Variants in NRXN1 observed in about 807,000 individuals in gnomAD.
The protein encoded by NRXN1 is neurexin 1.
A neutral mutation model predicts 150.9 loss-of-function variants in NRXN1; 39 were observed. That is an observed-to-expected ratio of 0.26 (90% CI 0.20 to 0.34). The LOEUF (loss-of-function observed/expected upper bound fraction) is 0.34, where lower values mean the gene tolerates loss of function less well. Among genes scored for constraint, NRXN1 ranks in the 10% least tolerant of loss-of-function variants. The pLI is 1.00. For missense variants in NRXN1, 1,815 were observed against 1,949.9 expected (o/e 0.93, Z 1.30); for synonymous variants, 924 against 757.0 (o/e 1.22, Z -3.62).
At position 50,347,304 on chromosome 2, in the gene NRXN1, C is replaced by G. The variant is rs1490986782; in HGVS notation, c.3365-110334G>C. On this transcript the variant is annotated intron_variant, in intron 17 of 22. Transcript: ENST00000401669. The surrounding 1 kb of genome is among the most constrained non-coding windows in gnomAD (Gnocchi z 4.9). The stretch of plus-strand genomic sequence containing the variant: ...AAGAGTTTCGGGCGAGAGTGCGTGC[C>G]GGCGGGTGGGGGGCCGAGAAATTGT... The G allele has an allele frequency of 7.9e-7, 1 of 1,271,736 alleles. No individual in the cohort carries two copies. Among genetic ancestry groups the G allele is most frequent in the Middle Eastern group, 2.2e-4 (1 of 4,562 alleles). 78.8% of individuals were successfully genotyped at this position (1,271,736 alleles called of 1,614,324 possible). A position where few individuals can be genotyped will look rare whatever the true frequency, so the allele number is the denominator to read the frequency against.
intron 18 of NRXN1, among the ~76,000 whole-genome samples, chr2:50,177,608 G>A (rs2060429771): frequency 6.6e-6 from 1 of 151,922 alleles, no homozygotes; most frequent in South Asian, 2.1e-4. Flanking sequence ...AATTAATGTG[G>A]TTATTTAATC....
intron 5 of NRXN1, among the ~76,000 whole-genome samples, chr2:50,627,504 T>G (rs1454185068): frequency 6.6e-6 from 1 of 151,484 alleles, no homozygotes; most frequent in East Asian, 1.9e-4. Flanking sequence ...TGGTTATCTA[T>G]AAGAGAAAAA....
At chr2:50,580,831 C>T (rs556257938) in intron 8 of NRXN1, among the ~76,000 whole-genome samples, 39 of 152,090 alleles carry the variant, frequency 2.6e-4, no homozygotes, top group African/African-American at 9.2e-4. Context: ...GCTACTATAC[C>T]GTCTAGAACA....
intron 5 of NRXN1, among the ~76,000 whole-genome samples, chr2:50,763,491 T>C (rs1336371169): frequency 6.6e-6 from 1 of 151,948 alleles, no homozygotes; most frequent in Non-Finnish European, 1.5e-5. Context: ...GTTTCTCTTC[T>C]TCCCCCTCCT....
chr2:50,638,468 G>A (rs1683558475), intron 5 of NRXN1, among the ~76,000 whole-genome samples: 1 of 152,100 alleles, frequency 6.6e-6, no homozygotes, highest in Non-Finnish European at 1.5e-5. Flanking sequence ...AAAAAGCAGA[G>A]CACATTGTCA....
chr2:50,354,578 T>TATATAC (rs2078659723), intron 17 of NRXN1, among the ~76,000 whole-genome samples: 1 of 143,870 alleles, frequency 7.0e-6, no homozygotes, highest in Non-Finnish European at 1.5e-5. Context: ...TATATATATA[T>TATATAC]ATATATATAC....
chr2:50,782,674 G>A (rs1321617459), intron 5 of NRXN1, among the ~76,000 whole-genome samples: 2 of 152,166 alleles, frequency 1.3e-5, no homozygotes, highest in African/African-American at 4.8e-5. Flanking sequence ...ATGAAGCTCA[G>A]GGATAGAGTA....
At chr2:50,620,258 T>C (rs1404756806) in intron 7 of NRXN1, 75 bp from the exon 8 acceptor site, 9 of 1,454,568 alleles carry the variant, frequency 6.2e-6, no homozygotes, top group African/African-American at 2.9e-5. Flanking sequence ...ATGCCTGTTT[T>C]GTGTTTTGCT....
At chr2:50,068,333 A>AT (rs1232959364) in intron 19 of NRXN1, among the ~76,000 whole-genome samples, 1 of 152,086 alleles carries the variant, frequency 6.6e-6, no homozygotes, top group Non-Finnish European at 1.5e-5. Flanking sequence ...TAAAATAACC[A>AT]TTTTTTTCTT....
rs956892595 is a variant in NRXN1 at position 50,585,006 on chromosome 2, G to GT, written c.1321-31982dup. ...CTCAAACTTGAGTCGTGCACACAAA[G>GT]TTTTTTTTCATAAAAATAAAAGTTT... is the stretch of plus-strand genomic sequence containing the variant. On this transcript the variant is annotated intron_variant, in intron 8 of 22. Transcript: ENST00000401669. Among the ~76,000 whole-genome samples the GT allele has an allele frequency of 3.3e-5, 5 of 151,850 alleles. No individual in the cohort carries two copies. In the East Asian group the frequency reaches 7.7e-4, roughly 23 times the overall value.
intron 18 of NRXN1, among the ~76,000 whole-genome samples, chr2:50,232,382 CTTTTCT>C (rs1159627392): frequency 6.1e-5 from 7 of 113,956 alleles, no homozygotes; most frequent in African/African-American, 1.4e-4. Context: ...TCTTTCTTTT[CTTTTCT>C]TTTTTTTTTT....
At chr2:50,441,338 T>A (rs1264123126) in intron 17 of NRXN1, among the ~76,000 whole-genome samples, 3 of 152,170 alleles carry the variant, frequency 2.0e-5, no homozygotes, top group African/African-American at 4.8e-5. Flanking sequence ...TTCCTCTTTT[T>A]AAAATTAATT....
chr2:50,374,154 G>A (rs1455688648), intron 17 of NRXN1, among the ~76,000 whole-genome samples: 2 of 151,460 alleles, frequency 1.3e-5, no homozygotes, highest in Non-Finnish European at 2.9e-5. Flanking sequence ...AAAAATAGCC[G>A]GCTGTAGTGG....
chr2:50,502,430 C>A (rs13030234), intron 13 of NRXN1, among the ~76,000 whole-genome samples: 4 of 146,756 alleles, frequency 2.7e-5, no homozygotes, highest in African/African-American at 7.3e-5. Context: ...CTTGCACCCA[C>A]AAAGGGAATA....
chr2:50,073,761 C>T (rs1696642612), intron 19 of NRXN1, among the ~76,000 whole-genome samples: 1 of 152,042 alleles, frequency 6.6e-6, no homozygotes, highest in African/African-American at 2.4e-5. Flanking sequence ...AAAGCATAGG[C>T]CTGTTAATCT....
intron 2 of NRXN1, among the ~76,000 whole-genome samples, chr2:50,947,955 C>T (rs1266654575): frequency 6.6e-6 from 1 of 151,898 alleles, no homozygotes; most frequent in Non-Finnish European, 1.5e-5. Flanking sequence ...ATGGTTCCTA[C>T]CATATTCCAT....
intron 18 of NRXN1, among the ~76,000 whole-genome samples, chr2:50,123,624 AG>A (rs1704168238): frequency 6.6e-6 from 1 of 152,204 alleles, no homozygotes; most frequent in Non-Finnish European, 1.5e-5. Context: ...CTAAAACACA[AG>A]TTCAGAGAAC....
chr2:50,415,329 C>G (rs947414090), intron 17 of NRXN1, among the ~76,000 whole-genome samples: 1 of 152,028 alleles, frequency 6.6e-6, no homozygotes, highest in African/African-American at 2.4e-5. Flanking sequence ...CAACCAGACA[C>G]CAGAGGTTGC....
At chr2:50,643,450 T>G (rs1684349496) in intron 5 of NRXN1, among the ~76,000 whole-genome samples, 1 of 151,974 alleles carries the variant, frequency 6.6e-6, no homozygotes. Flanking sequence ...CCATCAGACT[T>G]TTTACTTCAT....
Sources: allele counts gnomAD v4.1 joint callset (sites outside exome capture counted in the v4.1 genomes callset), GRCh38; gene constraint gnomAD v4.1.1; non-coding constraint Gnocchi (gnomAD v3.1); transcripts MANE v1.5; gene names NCBI Gene and HGNC (gene_info 2026-07-23, HGNC 2026-07-21).